PARP15: variants seen among roughly 807,000 people sequenced by gnomAD.
The protein encoded by PARP15 is protein mono-ADP-ribosyltransferase PARP15.
PARP15 carries 50 observed loss-of-function variants against 62.1 expected under a neutral mutation model. The ratio of observed to expected loss-of-function variants is 0.81; its 90% CI spans 0.64 to 1.02. The LOEUF (loss-of-function observed/expected upper bound fraction) is 1.02. Among genes scored for constraint, PARP15 ranks in the 50% least tolerant of loss-of-function variants. PARP15 has a pLI of 0.00. For synonymous variants in PARP15, 309 were observed against 293.1 expected (o/e 1.05, Z -0.55); for missense variants, 820 against 826.5 (o/e 0.99, Z 0.10).
intron 1 of PARP15, among the ~76,000 whole-genome samples, chr3:122,593,259 A>G (rs28692486): frequency 0.081 from 12,364 of 151,950 alleles, 1,626 homozygotes; most frequent in African/African-American, 0.28. Context: ...CTGCTTCAGC[A>G]TCCCGAGTAG....
chr3:122,606,777 C>A (rs1050479663), intron 2 of PARP15, among the ~76,000 whole-genome samples: 2 of 152,172 alleles, frequency 1.3e-5, no homozygotes, highest in Non-Finnish European at 2.9e-5. Context: ...TCTTATGCAG[C>A]TAGGGCTGAG....
chr3:122,623,680 C>T (rs1314913669), intron 8 of PARP15, among the ~76,000 whole-genome samples: 1 of 152,186 alleles, frequency 6.6e-6, no homozygotes, highest in East Asian at 1.9e-4. Flanking sequence ...TTGTGAGATC[C>T]TCAAAAGGGA....
chr3:122,599,430 T>A (rs912165725), intron 1 of PARP15, among the ~76,000 whole-genome samples: 12 of 152,326 alleles, frequency 7.9e-5, no homozygotes, highest in Admixed American at 5.9e-4. Flanking sequence ...TTTTATTAGC[T>A]GGATAACAAT....
chr3:122,636,391 G>A lies in PARP15; in HGVS notation c.*291G>A. 6.1e-6 allele frequency: 2 copies of A among 327,514 alleles called. No individual in the cohort carries two copies. Among genetic ancestry groups the A allele is most frequent in the African/African-American group, 2.1e-5 (1 of 47,824 alleles). 20.3% of individuals were successfully genotyped at this position (327,514 alleles called of 1,614,324 possible). A position where few individuals can be genotyped will look rare whatever the true frequency, so the allele number is the denominator to read the frequency against. On this transcript the variant is annotated 3_prime_UTR_variant, in exon 12 of 12. Transcript: ENST00000464300. ...AAAGCACATTATTCTTTTTCTATCA[G>A]AAAAAAACAAGATGCATCACCTTAA...
chr3:122,617,962 C>T (rs979887367), intron 6 of PARP15, among the ~76,000 whole-genome samples: 2 of 152,264 alleles, frequency 1.3e-5, no homozygotes, highest in Middle Eastern at 3.4e-3. Flanking sequence ...GAACTCCTGA[C>T]CTCAGGTGAT....
At chr3:122,621,679 T>G (rs746839287) in intron 8 of PARP15, 68 bp downstream of exon 8, 28 of 1,419,910 alleles carry the variant, frequency 2.0e-5, no homozygotes, top group Non-Finnish European at 2.5e-5. Flanking sequence ...GTCTCACTCT[T>G]AAGCAGATCA....
intron 1 of PARP15, among the ~76,000 whole-genome samples, chr3:122,578,927 C>A (rs1322170126): frequency 6.6e-6 from 1 of 152,110 alleles, no homozygotes; most frequent in African/African-American, 2.4e-5. Context: ...AGCTTTTCAA[C>A]AATTGTAGAT....
rs1259433796 is a variant in PARP15 at position 122,613,272 on chromosome 3, TG to T, written c.771+6del. The T allele has an allele frequency of 2.6e-6, 4 of 1,530,468 alleles. No homozygotes were observed. The African/African-American group carries it at 4.1e-5, about 16-fold the overall frequency. The allele number at this position is 1,530,468 out of a possible 1,614,324, so 94.8% of individuals were successfully genotyped here. A position where few individuals can be genotyped will look rare whatever the true frequency, so the allele number is the denominator to read the frequency against. ...AAATGACGATGAAGGCTGTCAGGTATGGTTACATATCCCATCTGGTTAATTC... is the reference window on the plus strand; with the variant it reads ...AAATGACGATGAAGGCTGTCAGGTATGTTACATATCCCATCTGGTTAATTC... On this transcript the variant is annotated splice_donor_5th_base_variant and intron_variant, in intron 4 of 11. Coordinates refer to ENST00000464300, the MANE Select transcript of PARP15 (RefSeq NM_001113523.3).
intron 1 of PARP15, among the ~76,000 whole-genome samples, chr3:122,602,066 T>TG (rs1484042760): frequency 6.6e-6 from 1 of 152,244 alleles, no homozygotes; most frequent in African/African-American, 2.4e-5. Flanking sequence ...CTCAAACTTG[T>TG]GCAGTTATTC....
chr3:122,615,696 A>C (rs780745296), intron 4 of PARP15, 83 bp from the exon 5 acceptor site: 1 of 1,600,556 alleles, frequency 6.2e-7, no homozygotes, highest in East Asian at 2.2e-5. Context: ...CAACTCTTTG[A>C]TATCTGATGA....
At position 122,604,786 on chromosome 3, in the gene PARP15, G is replaced by A. The variant is rs546602713; in HGVS notation, c.187-1150G>A. On this transcript the variant is annotated intron_variant, in intron 1 of 11. Coordinates refer to ENST00000464300, the MANE Select transcript of PARP15 (RefSeq NM_001113523.3). Reference sequence around the variant, plus strand: ...TGAGGCAGGAGAATCACTTGAACCCGGGAGGCAGAGGTTGCAGTGAGCCAA... The same window carrying A: ...TGAGGCAGGAGAATCACTTGAACCCAGGAGGCAGAGGTTGCAGTGAGCCAA... 7.9e-5 allele frequency among the ~76,000 whole-genome samples: 12 copies of A among 152,238 alleles called. No homozygotes were observed. In the South Asian group the frequency reaches 8.3e-4, roughly 11 times the overall value.
intron 1 of PARP15, among the ~76,000 whole-genome samples, chr3:122,578,945 C>T (rs563399546): frequency 6.6e-6 from 1 of 152,252 alleles, no homozygotes; most frequent in Non-Finnish European, 1.5e-5. Flanking sequence ...GATACTGGTA[C>T]TTCATATCCT....
intron 8 of PARP15, among the ~76,000 whole-genome samples, chr3:122,623,808 C>T (rs1936504368): frequency 6.6e-6 from 1 of 152,164 alleles, no homozygotes; most frequent in Non-Finnish European, 1.5e-5. Context: ...CAGAGATGCT[C>T]ATGGATGTTC....
intron 8 of PARP15, 97 bp from the exon 9 acceptor site, chr3:122,626,730 G>A: frequency 9.2e-7 from 1 of 1,083,764 alleles, no homozygotes; most frequent in Non-Finnish European, 1.3e-6. Context: ...GCTGTGAGGG[G>A]CTTTCCTGTT....
chr3:122,584,484 A>G (rs1933242770), intron 1 of PARP15, among the ~76,000 whole-genome samples: 1 of 152,084 alleles, frequency 6.6e-6, no homozygotes, highest in South Asian at 2.1e-4. Context: ...ATGAAAAAAT[A>G]CCTACAAAGT....
intron 2 of PARP15, among the ~76,000 whole-genome samples, chr3:122,609,358 C>T (rs1935400404): frequency 6.6e-6 from 1 of 152,066 alleles, no homozygotes; most frequent in South Asian, 2.1e-4. Flanking sequence ...GAGACATAGA[C>T]ATCTTTTAAT....
At position 122,615,380 on chromosome 3, in the gene PARP15, C is replaced by T. The variant is rs537692588; in HGVS notation, c.772-399C>T. 3.0e-4 allele frequency: 387 copies of T among 1,296,360 alleles called. 1 individual carries two copies. Among genetic ancestry groups the T allele is most frequent in the Non-Finnish European group, 3.6e-4 (361 of 993,538 alleles). 80.3% of individuals were successfully genotyped at this position (1,296,360 alleles called of 1,614,324 possible). ...CCTAACAGCCAAAGATGCCAAGGAA[C>T]GTTGTTGCCCTGCCCCCTGCTCACC... On this transcript the variant is annotated intron_variant, in intron 4 of 11. Transcript: ENST00000464300.
intron 1 of PARP15, among the ~76,000 whole-genome samples, chr3:122,596,464 A>G (rs1934365033): frequency 6.6e-6 from 1 of 150,464 alleles, no homozygotes; most frequent in South Asian, 2.1e-4. Context: ...GGCCTTTCCC[A>G]TGTCAGCGGA....
At chr3:122,593,124 G>C (rs3052713) in intron 1 of PARP15, among the ~76,000 whole-genome samples, 172 of 133,468 alleles carry the variant, frequency 1.3e-3, no homozygotes, top group East Asian at 0.012. Flanking sequence ...ATCTATCTAT[G>C]TATCTATCTA....
Sources: allele counts gnomAD v4.1 joint callset (sites outside exome capture counted in the v4.1 genomes callset), GRCh38; gene constraint gnomAD v4.1.1; transcripts MANE v1.5; gene names NCBI Gene and HGNC (gene_info 2026-07-23, HGNC 2026-07-21).